The following ZMAT4 variants were observed in gnomAD, a reference collection of about 807,000 sequenced individuals.
The protein encoded by ZMAT4 is zinc finger matrin-type 4, also known as zinc finger matrin-type protein 4.
ZMAT4 carries 17 observed loss-of-function variants against 28.7 expected under a neutral mutation model. The observed-to-expected ratio is 0.59, with a 90% CI of 0.41 to 0.89. ZMAT4 has a LOEUF of 0.89. Ranked by LOEUF, ZMAT4 falls within the 40% of genes least tolerant of loss-of-function variation. The probability of loss-of-function intolerance (pLI) is 0.00; values close to 1 mark genes in which losing one functional copy is unlikely to be tolerated. For missense variants in ZMAT4, 240 were observed against 283.8 expected (o/e 0.85, Z 1.11); for synonymous variants, 117 against 109.2 (o/e 1.07, Z -0.44).
At chr8:40,557,333 G>C (rs997104843) in intron 6 of ZMAT4, among the ~76,000 whole-genome samples, 4 of 152,024 alleles carry the variant, frequency 2.6e-5, no homozygotes, top group Non-Finnish European at 4.4e-5. Context: ...TACCATTTAG[G>C]TTCTTAATCT....
chr8:40,860,245 G>T (rs981052869), intron 1 of ZMAT4, among the ~76,000 whole-genome samples: 2 of 152,156 alleles, frequency 1.3e-5, no homozygotes, highest in African/African-American at 4.8e-5. Context: ...CAGCCTGAGG[G>T]GAGGTTGGGA....
intron 5 of ZMAT4, among the ~76,000 whole-genome samples, chr8:40,652,035 G>A (rs200195399): frequency 0.2 from 8,972 of 45,302 alleles, 220 homozygotes; most frequent in East Asian, 0.39. Context: ...AGGACTTCAT[G>A]TCTAAAACAC....
chr8:40,801,351 A>AAAT lies in ZMAT4; in HGVS notation c.102+24223_102+24224insATT, dbSNP rs370796453. Among the ~76,000 whole-genome samples the AAAT allele has an allele frequency of 1.1e-3, 107 of 97,260 alleles. 1 individual carries two copies. Among genetic ancestry groups the AAAT allele is most frequent in the African/African-American group, 3.1e-3 (84 of 26,986 alleles). 63.8% of individuals were successfully genotyped at this position (97,260 alleles called of 152,430 possible). The stretch of plus-strand genomic sequence containing the variant: ...AGATGATACTTTCTTTAAAAAAAAA[A>AAAT]ATATATATATATATATATATACATA... On this transcript the variant is annotated intron_variant, in intron 2 of 6. Transcript: ENST00000297737.
At chr8:40,749,696 A>G (rs894619312) in intron 3 of ZMAT4, among the ~76,000 whole-genome samples, 11 of 152,236 alleles carry the variant, frequency 7.2e-5, no homozygotes, top group African/African-American at 2.2e-4. Flanking sequence ...TCACTTATGC[A>G]TGAAATGGTT....
At chr8:40,629,659 TG>T (rs1360919787) in intron 5 of ZMAT4, among the ~76,000 whole-genome samples, 1 of 150,634 alleles carries the variant, frequency 6.6e-6, no homozygotes, top group Non-Finnish European at 1.5e-5. Flanking sequence ...ATGCGGTGTT[TG>T]GTTTTTTGTC....
intron 1 of ZMAT4, among the ~76,000 whole-genome samples, chr8:40,891,809 C>T (rs1317116852): frequency 6.6e-6 from 1 of 152,178 alleles, no homozygotes; most frequent in Non-Finnish European, 1.5e-5. Context: ...CACTGCCGAC[C>T]CTGAGCTGTC....
chr8:40,822,325 A>T (rs1338223986), intron 2 of ZMAT4, among the ~76,000 whole-genome samples: 3 of 152,244 alleles, frequency 2.0e-5, no homozygotes, highest in Non-Finnish European at 2.9e-5. Context: ...GAAAATACGC[A>T]GTGGATTCTC....
intron 3 of ZMAT4, among the ~76,000 whole-genome samples, chr8:40,732,689 C>A (rs1261991379): frequency 6.6e-6 from 1 of 152,138 alleles, no homozygotes; most frequent in Non-Finnish European, 1.5e-5. Flanking sequence ...ATACTGGTGT[C>A]CAACGTTATG....
intron 5 of ZMAT4, among the ~76,000 whole-genome samples, chr8:40,600,682 C>T (rs899703133): frequency 7.9e-5 from 12 of 152,322 alleles, no homozygotes; most frequent in East Asian, 3.9e-4. Flanking sequence ...AGGGCTCCAA[C>T]GGTCTAGAGT....
intron 5 of ZMAT4, among the ~76,000 whole-genome samples, chr8:40,674,100 T>C (rs2150472589): frequency 8.0e-6 from 1 of 124,780 alleles, no homozygotes; most frequent in African/African-American, 2.7e-5. Context: ...TTTTTTTTTT[T>C]TTTTAAATTT....
intron 1 of ZMAT4, among the ~76,000 whole-genome samples, chr8:40,891,067 T>C (rs1357268178): frequency 3.3e-5 from 5 of 150,212 alleles, no homozygotes; most frequent in Admixed American, 2.0e-4. Flanking sequence ...GATGCGGCAG[T>C]GTGTGCTTGT....
chr8:40,654,602 A>G (rs1432771771), intron 5 of ZMAT4, among the ~76,000 whole-genome samples: 1 of 152,154 alleles, frequency 6.6e-6, no homozygotes, highest in Non-Finnish European at 1.5e-5. Context: ...CCTAAAAATG[A>G]TAATGCACTA....
intron 2 of ZMAT4, among the ~76,000 whole-genome samples, chr8:40,786,138 T>C (rs1814067374): frequency 6.6e-6 from 1 of 151,844 alleles, no homozygotes; most frequent in African/African-American, 2.4e-5. Context: ...CAACCATCTG[T>C]TCTCTTCTGC....
At chr8:40,742,835 G>A (rs1041275976) in intron 3 of ZMAT4, among the ~76,000 whole-genome samples, 2 of 151,734 alleles carry the variant, frequency 1.3e-5, no homozygotes, top group Non-Finnish European at 2.9e-5. Context: ...ACAAACTGGG[G>A]AAAAAGCACA....
At chr8:40,818,594 G>C (rs902888546) in intron 2 of ZMAT4, among the ~76,000 whole-genome samples, 3 of 152,190 alleles carry the variant, frequency 2.0e-5, no homozygotes, top group Non-Finnish European at 4.4e-5. Flanking sequence ...TGCAAAGAAG[G>C]CATCCTCCCA....
At position 40,799,188 on chromosome 8, in the gene ZMAT4, CAG is replaced by C. The variant is rs1428949684; in HGVS notation, c.102+26385_102+26386del. 6.9e-5 allele frequency among the ~76,000 whole-genome samples: 9 copies of C among 130,104 alleles called. No individual in the cohort carries two copies. In the South Asian group the frequency reaches 1.9e-3, roughly 27 times the overall value. 85.4% of individuals were successfully genotyped at this position (130,104 alleles called of 152,430 possible). A position where few individuals can be genotyped will look rare whatever the true frequency, so the allele number is the denominator to read the frequency against. On this transcript the variant is annotated intron_variant, in intron 2 of 6. Transcript: ENST00000297737. ...ATGGATGAATAGAGAGAGAGAGAGA[CAG>C]AGAGAAGGATAGATGGGTGGATGGA...
intron 6 of ZMAT4, among the ~76,000 whole-genome samples, chr8:40,571,731 A>T (rs992750218): frequency 6.6e-6 from 1 of 152,184 alleles, no homozygotes; most frequent in African/African-American, 2.4e-5. Flanking sequence ...TTCACCCTTT[A>T]TTCAGAGCTT....
chr8:40,674,890 C>T lies in ZMAT4; in HGVS notation c.391G>A (p.Ala131Thr), dbSNP rs1808845259. The T allele has an allele frequency of 1.9e-6, 3 of 1,613,498 alleles. No homozygotes were observed. Among genetic ancestry groups the T allele is most frequent in the Non-Finnish European group, 2.5e-6 (3 of 1,179,892 alleles). ...TGATAGGGAGATGCGACCACCGGAGCAGTGTCCATCCGTGGGGGCTTAAGT... is the reference window on the plus strand; with the variant it reads ...TGATAGGGAGATGCGACCACCGGAGTAGTGTCCATCCGTGGGGGCTTAAGT... ...SPLKPPRMDT[A>T]PVVASPYQRR... Residue 131 changes from alanine to threonine, a missense_variant, in exon 5 of 7, where the codon GCT becomes ACT. Physicochemically the swap from Ala to Thr is moderately conservative, Grantham distance 58. Transcript: ENST00000297737.
chr8:40,543,512 G>C (rs2118389699), intron 6 of ZMAT4, among the ~76,000 whole-genome samples: 1 of 152,304 alleles, frequency 6.6e-6, no homozygotes, highest in South Asian at 2.1e-4. Flanking sequence ...TGTTCCAGCA[G>C]GACATCGAGG....
Sources: gnomAD v4.1 joint callset for allele counts (sites outside exome capture counted in the v4.1 genomes callset) on GRCh38, gnomAD v4.1.1 for gene constraint, MANE v1.5 for transcripts, NCBI Gene and HGNC (gene_info 2026-07-23, HGNC 2026-07-21) for gene names.